MYO3A: variants seen among roughly 807,000 people sequenced by gnomAD.
MYO3A encodes the protein myosin IIIA.
Under a neutral mutation model 192.7 loss-of-function variants are expected in MYO3A, and 180 were observed. That is an observed-to-expected ratio of 0.93 (90% CI 0.83 to 1.06). The LOEUF (loss-of-function observed/expected upper bound fraction) is 1.06, where lower values mean the gene tolerates loss of function less well. MYO3A is among the 50% of genes least tolerant of loss of function. The pLI is 0.00. For missense variants in MYO3A, 1,896 were observed against 1,905.0 expected (o/e 1.00, Z 0.09); for synonymous variants, 628 against 645.3 (o/e 0.97, Z 0.41).
chr10:25,999,846 C>T (rs1032532285), intron 6 of MYO3A, among the ~76,000 whole-genome samples: 3 of 152,152 alleles, frequency 2.0e-5, no homozygotes, highest in African/African-American at 4.8e-5. Context: ...AGCTCATCCT[C>T]GAGTCTTCCC....
At chr10:26,203,310 C>G (rs528812805) in intron 34 of MYO3A, among the ~76,000 whole-genome samples, 1 of 152,250 alleles carries the variant, frequency 6.6e-6, no homozygotes, top group South Asian at 2.1e-4. Flanking sequence ...CTAGCAAAAA[C>G]TGAGTTTTTA....
At chr10:26,115,850 G>C (rs1311890973) in intron 17 of MYO3A, among the ~76,000 whole-genome samples, 3 of 152,150 alleles carry the variant, frequency 2.0e-5, no homozygotes, top group African/African-American at 7.2e-5. Context: ...AATTATTAAT[G>C]TAGTAAATCA....
chr10:26,114,482 A>C (rs576524175), intron 17 of MYO3A, among the ~76,000 whole-genome samples: 1 of 151,996 alleles, frequency 6.6e-6, no homozygotes, highest in Non-Finnish European at 1.5e-5. Flanking sequence ...TGGCTTTTGG[A>C]AAAAAAACAA....
rs1375415992 is a variant in MYO3A at position 25,947,268 on chromosome 10, T to C, written c.-17-4826T>C. On this transcript the variant is annotated intron_variant, in intron 2 of 34. Transcript: ENST00000642920. ...TTTATATCCAGAATTTCCATTTGGT[T>C]CTGTTTAATAAATTTATCTGATTTT... Among the ~76,000 whole-genome samples, 3 of 152,118 alleles carry C rather than the reference T, an allele frequency of 2.0e-5. No individual in the cohort carries two copies. In the East Asian group the frequency reaches 5.8e-4, roughly 29 times the overall value.
chr10:25,943,635 C>T (rs1321770735), intron 2 of MYO3A, among the ~76,000 whole-genome samples: 1 of 151,938 alleles, frequency 6.6e-6, no homozygotes, highest in East Asian at 1.9e-4. Flanking sequence ...CTTTTTGATT[C>T]TATTGTAGAT....
At chr10:26,168,970 A>C in intron 28 of MYO3A, 96 bp downstream of exon 28, 1 of 1,239,402 alleles carries the variant, frequency 8.1e-7, no homozygotes, top group Non-Finnish European at 1.1e-6. Flanking sequence ...TTTTGTGTTT[A>C]ATTCCAGACT....
In MYO3A at chr10:26,212,188, G is replaced by T; in HGVS notation, c.*225G>T. ...GAAACCTCCCCCGACGCTCTCTCTC[G>T]GAACTCCCGCACCCTCCTTTCTCAC... On this transcript the variant is annotated 3_prime_UTR_variant, in exon 35 of 35. Coordinates refer to ENST00000642920, the MANE Select transcript of MYO3A (RefSeq NM_017433.5). 1 of 604,924 alleles carries T rather than the reference G, an allele frequency of 1.7e-6. No individual in the cohort carries two copies. Among genetic ancestry groups the T allele is most frequent in the Non-Finnish European group, 2.8e-6 (1 of 358,792 alleles). 37.5% of individuals were successfully genotyped at this position (604,924 alleles called of 1,614,324 possible). A position where few individuals can be genotyped will look rare whatever the true frequency, so the allele number is the denominator to read the frequency against.
chr10:26,010,340 T>A, intron 6 of MYO3A, among the ~76,000 whole-genome samples: 1 of 148,788 alleles, frequency 6.7e-6, no homozygotes, highest in Admixed American at 6.6e-5. Flanking sequence ...TCATTTGGTA[T>A]AAAGTACAGG....
At chr10:26,100,675 G>GGC (rs1250176010) in intron 17 of MYO3A, among the ~76,000 whole-genome samples, 1 of 152,160 alleles carries the variant, frequency 6.6e-6, no homozygotes, top group Admixed American at 6.5e-5. Flanking sequence ...TTCAGGAGCA[G>GGC]GTTGTTCAGT....
chr10:26,168,976 A>G lies in MYO3A; in HGVS notation c.3274+102A>G. 7.7e-6 allele frequency: 9 copies of G among 1,171,230 alleles called. No individual in the cohort carries two copies. The Admixed American group carries it at 1.9e-4, about 25-fold the overall frequency. 72.6% of individuals were successfully genotyped at this position (1,171,230 alleles called of 1,614,324 possible). A position where few individuals can be genotyped will look rare whatever the true frequency, so the allele number is the denominator to read the frequency against. ...TTGTGTAGCTTTTGTGTTTAATTCC[A>G]GACTGTGTTGCCTTGATACTTTTGC... On this transcript the variant is annotated intron_variant, in intron 28 of 34. Coordinates refer to ENST00000642920, the MANE Select transcript of MYO3A (RefSeq NM_017433.5).
intron 4 of MYO3A, among the ~76,000 whole-genome samples, chr10:25,988,391 TA>T (rs1180102153): frequency 1.3e-5 from 2 of 151,810 alleles, no homozygotes; most frequent in South Asian, 2.1e-4. Context: ...AAAAATAAAA[TA>T]AAAAAATAGA....
intron 17 of MYO3A, among the ~76,000 whole-genome samples, chr10:26,112,003 T>G (rs1339324406): frequency 6.6e-6 from 1 of 152,226 alleles, no homozygotes; most frequent in African/African-American, 2.4e-5. Flanking sequence ...TTGGTTTGTT[T>G]ACTTCAAAGT....
Position 26,196,033 on chromosome 10 carries a change from C to A in MYO3A, c.4545+2722C>A, listed in dbSNP as rs74538795. ...TGAGAAAAATCTAAAATTCCAGATA[C>A]CTGCGTTTGACAGTCACTTTATATA... On this transcript the variant is annotated intron_variant, in intron 32 of 34. Transcript: ENST00000642920. Among the ~76,000 whole-genome samples the A allele has an allele frequency of 4.4e-3, 666 of 152,252 alleles. 8 individuals are homozygous for A. Among genetic ancestry groups the A allele is most frequent in the African/African-American group, 0.015 (643 of 41,548 alleles).
intron 2 of MYO3A, among the ~76,000 whole-genome samples, chr10:25,949,544 T>A (rs1182731174): frequency 6.6e-6 from 1 of 152,146 alleles, no homozygotes; most frequent in East Asian, 1.9e-4. Flanking sequence ...AGAGGATGAT[T>A]ATTACTGATT....
At chr10:26,042,619 A>G (rs916361653) in intron 10 of MYO3A, among the ~76,000 whole-genome samples, 13 of 152,120 alleles carry the variant, frequency 8.5e-5, no homozygotes, top group African/African-American at 2.9e-4. Flanking sequence ...CTATATGTCA[A>G]TTGCATTTTT....
At chr10:26,056,813 T>A (rs1436495609) in intron 10 of MYO3A, among the ~76,000 whole-genome samples, 1 of 152,256 alleles carries the variant, frequency 6.6e-6, no homozygotes. Flanking sequence ...TTTTCAACTC[T>A]TATATCCACT....
At chr10:25,963,739 C>G (rs557567543) in intron 4 of MYO3A, among the ~76,000 whole-genome samples, 2 of 152,136 alleles carry the variant, frequency 1.3e-5, no homozygotes, top group African/African-American at 4.8e-5. Flanking sequence ...GGTGTACTTG[C>G]AGTAGAACAG....
chr10:26,151,751 C>A (rs1211580891), intron 23 of MYO3A, among the ~76,000 whole-genome samples: 2 of 152,194 alleles, frequency 1.3e-5, no homozygotes, highest in Non-Finnish European at 2.9e-5. Flanking sequence ...TTTTCCCAGG[C>A]TTTACCTGAG....
At chr10:26,089,841 AC>A (rs770833677) in intron 15 of MYO3A, among the ~76,000 whole-genome samples, 2 of 152,200 alleles carry the variant, frequency 1.3e-5, no homozygotes, top group African/African-American at 2.4e-5. Flanking sequence ...CAAGGTACCT[AC>A]AGTATATAGC....
Sources: gnomAD v4.1 joint callset for allele counts (sites outside exome capture counted in the v4.1 genomes callset) on GRCh38, gnomAD v4.1.1 for gene constraint, MANE v1.5 for transcripts, NCBI Gene and HGNC (gene_info 2026-07-23, HGNC 2026-07-21) for gene names.